AGBL1: variants seen among roughly 807,000 people sequenced by gnomAD.
AGBL1 encodes cytosolic carboxypeptidase 4.
AGBL1 carries 130 observed loss-of-function variants against 118.9 expected under a neutral mutation model. The ratio of observed to expected loss-of-function variants is 1.09; its 90% CI spans 0.95 to 1.26. The LOEUF is 1.26. AGBL1 is among the 50% of genes most tolerant of loss of function. The probability of loss-of-function intolerance (pLI) is 0.00; values close to 1 mark genes in which losing one functional copy is unlikely to be tolerated. For synonymous variants in AGBL1, 555 were observed against 478.9 expected (o/e 1.16, Z -2.08); for missense variants, 1,584 against 1,298.1 (o/e 1.22, Z -3.38).
At chr15:86,414,908 A>G (rs1306298571) in intron 18 of AGBL1, among the ~76,000 whole-genome samples, 1 of 152,160 alleles carries the variant, frequency 6.6e-6, no homozygotes, top group African/African-American at 2.4e-5. Flanking sequence ...GTGACCTTGG[A>G]CAAGAAACTT....
chr15:86,092,076 A>G (rs1477393824), intron 1 of AGBL1, among the ~76,000 whole-genome samples: 1 of 152,190 alleles, frequency 6.6e-6, no homozygotes, highest in Non-Finnish European at 1.5e-5. Context: ...TCTATTCAAC[A>G]AACCCTTACT....
chr15:86,210,438 A>G (rs1290474391), intron 5 of AGBL1, among the ~76,000 whole-genome samples: 1 of 151,978 alleles, frequency 6.6e-6, no homozygotes, highest in African/African-American at 2.4e-5. Flanking sequence ...TCTCCCTGTC[A>G]CTTTCAGGTA....
At position 86,615,832 on chromosome 15, in the gene AGBL1, C is replaced by A. The variant is rs1567084721; in HGVS notation, c.2995-58441C>A. 6.6e-6 allele frequency among the ~76,000 whole-genome samples: 1 copy of A among 151,956 alleles called. No homozygotes were observed. Among genetic ancestry groups the A allele is most frequent in the East Asian group, 1.9e-4 (1 of 5,182 alleles). ...AAGCAGATGGAAACTCAGGGAAAGA[C>A]TGTTGTAAAATGAAAAATTAATTAA... On this transcript the variant is annotated intron_variant, in intron 21 of 22. Coordinates refer to ENST00000614907, the MANE Select transcript of AGBL1 (RefSeq NM_001386094.1). The surrounding 1 kb of genome is among the most constrained non-coding windows in gnomAD (Gnocchi z 4.3).
At chr15:86,582,778 A>G (rs890722608) in intron 21 of AGBL1, among the ~76,000 whole-genome samples, 3 of 150,696 alleles carry the variant, frequency 2.0e-5, no homozygotes, top group African/African-American at 4.9e-5. Context: ...ACCAAACACC[A>G]CATGTTCTCA....
intron 5 of AGBL1, among the ~76,000 whole-genome samples, chr15:86,220,781 T>C (rs1167066639): frequency 6.6e-6 from 1 of 152,198 alleles, no homozygotes; most frequent in African/African-American, 2.4e-5. Flanking sequence ...GGGACATCCA[T>C]TTGGAGGACA....
At chr15:86,250,675 G>A (rs1029363684) in intron 7 of AGBL1, among the ~76,000 whole-genome samples, 1 of 151,728 alleles carries the variant, frequency 6.6e-6, no homozygotes, top group Non-Finnish European at 1.5e-5. Context: ...TGAAAGATAG[G>A]CTGTCCTGGC....
chr15:86,595,842 C>T (rs1344890533), intron 21 of AGBL1, among the ~76,000 whole-genome samples: 1 of 151,876 alleles, frequency 6.6e-6, no homozygotes, highest in Non-Finnish European at 1.5e-5. Context: ...GGAATGGGCA[C>T]TGCTGATTGG....
intron 6 of AGBL1, 38 bp downstream of exon 6, chr15:86,224,989 C>T: frequency 6.2e-7 from 1 of 1,601,364 alleles, no homozygotes; most frequent in South Asian, 1.1e-5. Context: ...TTTCTCTCCA[C>T]TCTGGGTTTA....
chr15:86,143,124 G>A (rs1000796768), intron 2 of AGBL1, among the ~76,000 whole-genome samples: 9 of 152,168 alleles, frequency 5.9e-5, no homozygotes, highest in East Asian at 1.9e-4. Flanking sequence ...CCAATAGTTC[G>A]TCATAGCTCT....
At chr15:86,449,668 T>A (rs865793201) in intron 18 of AGBL1, among the ~76,000 whole-genome samples, 1 of 152,204 alleles carries the variant, frequency 6.6e-6, no homozygotes, top group Non-Finnish European at 1.5e-5. Context: ...GCTCAGCATA[T>A]GTCTATTAAG....
At chr15:86,699,313 A>C (rs2142637072) in intron 22 of AGBL1, among the ~76,000 whole-genome samples, 1 of 152,168 alleles carries the variant, frequency 6.6e-6, no homozygotes, top group Non-Finnish European at 1.5e-5. Context: ...GCATTTCCTA[A>C]AAATATATAT....
downstream of AGBL1, among the ~76,000 whole-genome samples, chr15:86,919,921 C>T (rs2080468113): frequency 6.6e-6 from 1 of 152,122 alleles, no homozygotes; most frequent in Non-Finnish European, 1.5e-5. Context: ...GCCCACTCTG[C>T]CATGGGCCTC....
intron 23 of AGBL1, chr15:86,932,855 A>G (rs1164609046): frequency 2.6e-5 from 4 of 151,722 alleles, no homozygotes; most frequent in African/African-American, 9.7e-5. Context: ...CTTTTAGCCA[A>G]TGTTTTAAGT....
At chr15:86,993,309 C>T (rs1026551145) in intron 24 of AGBL1, among the ~76,000 whole-genome samples, 3 of 152,118 alleles carry the variant, frequency 2.0e-5, no homozygotes, top group Non-Finnish European at 4.4e-5. Flanking sequence ...CTTCTTTGCC[C>T]TTTATTCAAA....
At chr15:86,094,774 T>G (rs117869979) in intron 1 of AGBL1, among the ~76,000 whole-genome samples, 1 of 152,196 alleles carries the variant, frequency 6.6e-6, no homozygotes, top group Admixed American at 6.5e-5. Context: ...ACTTCTGATA[T>G]CAAATGTGTG....
intron 17 of AGBL1, among the ~76,000 whole-genome samples, chr15:86,339,887 A>G (rs2080435106): frequency 1.3e-5 from 2 of 151,654 alleles, no homozygotes; most frequent in Non-Finnish European, 2.9e-5. Flanking sequence ...AATCACTTGA[A>G]CCTGGGAGGC....
chr15:86,338,594 C>T (rs1883307528), intron 17 of AGBL1, among the ~76,000 whole-genome samples: 1 of 152,088 alleles, frequency 6.6e-6, no homozygotes, highest in South Asian at 2.1e-4. Context: ...AACAGAACCA[C>T]AAAGGTAGGG....
At position 86,480,921 on chromosome 15, in the gene AGBL1, G is replaced by T. The variant is rs1345581950; in HGVS notation, c.2556-41889G>T. 2.0e-5 allele frequency among the ~76,000 whole-genome samples: 3 copies of T among 151,970 alleles called. No homozygotes were observed. The East Asian group carries it at 5.8e-4, about 29-fold the overall frequency. On this transcript the variant is annotated intron_variant, in intron 18 of 22. Transcript: ENST00000614907. ...GTATGTGAAGGGTTTTGATCATCATGCTAAGAACTTGGAAGCTTATTCCAA... is the reference window on the plus strand; with the variant it reads ...GTATGTGAAGGGTTTTGATCATCATTCTAAGAACTTGGAAGCTTATTCCAA...
At chr15:86,435,965 A>G (rs1823398241) in intron 18 of AGBL1, among the ~76,000 whole-genome samples, 1 of 152,158 alleles carries the variant, frequency 6.6e-6, no homozygotes, top group African/African-American at 2.4e-5. Flanking sequence ...ATATTAACTT[A>G]AATTTCTTCT....
Sources: allele counts gnomAD v4.1 joint callset (sites outside exome capture counted in the v4.1 genomes callset), GRCh38; gene constraint gnomAD v4.1.1; non-coding constraint Gnocchi (gnomAD v3.1); transcripts MANE v1.5; gene names NCBI Gene and HGNC (gene_info 2026-07-23, HGNC 2026-07-21).